MTFR1: variants seen among roughly 807,000 people sequenced by gnomAD.
MTFR1 encodes chondrocyte protein with a poly-proline region.
MTFR1 carries 28 observed loss-of-function variants against 38.8 expected under a neutral mutation model. The ratio of observed to expected loss-of-function variants is 0.72; its 90% CI spans 0.53 to 0.99. MTFR1 has a LOEUF of 0.99. MTFR1 is among the 50% of genes least tolerant of loss of function. The pLI, the probability that MTFR1 is intolerant of heterozygous loss-of-function variation, is 0.00. For synonymous variants in MTFR1, 145 were observed against 137.0 expected, an observed-to-expected ratio of 1.06 and a Z score of -0.41; for missense variants, 358 against 395.5, an observed-to-expected ratio of 0.91 and a Z score of 0.81.
chr8:65,713,680 G>A (rs376104170), downstream of MTFR1, among the ~76,000 whole-genome samples: 70 of 151,974 alleles, frequency 4.6e-4, no homozygotes, highest in African/African-American at 1.6e-3. Context: ...TAACTTTATC[G>A]GTCATAGATG....
chr8:65,663,041 T>G (rs1804238621), intron 1 of MTFR1, among the ~76,000 whole-genome samples: 1 of 151,904 alleles, frequency 6.6e-6, no homozygotes, highest in African/African-American at 2.4e-5. Flanking sequence ...ACTCAACAGC[T>G]CATTGAGAAC....
chr8:65,698,550 TA>T (rs1292290882), intron 4 of MTFR1, among the ~76,000 whole-genome samples: 3 of 151,690 alleles, frequency 2.0e-5, no homozygotes, highest in Non-Finnish European at 2.9e-5. Context: ...AAAATGGAAT[TA>T]AAAAAAAACT....
intron 3 of MTFR1, chr8:65,727,109 A>G: frequency 8.6e-7 from 1 of 1,166,812 alleles, no homozygotes; most frequent in Non-Finnish European, 1.3e-6. Flanking sequence ...CATTTCTTCA[A>G]AATATGAAAG....
At chr8:65,664,008 G>T (rs899289992) in intron 1 of MTFR1, among the ~76,000 whole-genome samples, 2 of 151,770 alleles carry the variant, frequency 1.3e-5, no homozygotes, top group Admixed American at 1.3e-4. Flanking sequence ...TAGAGACGGG[G>T]TTTCGCCATG....
At chr8:65,694,050 GCAC>G in intron 4 of MTFR1, among the ~76,000 whole-genome samples, 1 of 148,060 alleles carries the variant, frequency 6.8e-6, no homozygotes, top group Middle Eastern at 3.5e-3. Context: ...TCACAGGCAT[GCAC>G]CACCAACCCT....
At chr8:65,760,265 A>T (rs540328645) in intron 3 of MTFR1, among the ~76,000 whole-genome samples, 1 of 152,322 alleles carries the variant, frequency 6.6e-6, no homozygotes, top group South Asian at 2.1e-4. Context: ...TGTATCTATT[A>T]TCTTTTCATG....
At chr8:65,766,536 G>C (rs899154951) in intron 3 of MTFR1, among the ~76,000 whole-genome samples, 6 of 152,186 alleles carry the variant, frequency 3.9e-5, no homozygotes, top group African/African-American at 1.4e-4. Flanking sequence ...AGGAGCAAGG[G>C]AGCCTGTTAG....
At chr8:65,644,845 C>A (rs1808905527) in intron 1 of MTFR1, 61 bp downstream of exon 1, 1 of 152,544 alleles carries the variant, frequency 6.6e-6, no homozygotes. Flanking sequence ...CGGCTGCAGG[C>A]CTGACGGCGA....
At chr8:65,663,182 A>T (rs1004868906) in intron 1 of MTFR1, among the ~76,000 whole-genome samples, 1 of 152,188 alleles carries the variant, frequency 6.6e-6, no homozygotes, top group South Asian at 2.1e-4. Flanking sequence ...TTTGTTCTAT[A>T]CTAAGAAAAA....
At chr8:65,658,464 T>C (rs1220034126) in intron 1 of MTFR1, among the ~76,000 whole-genome samples, 2 of 152,228 alleles carry the variant, frequency 1.3e-5, no homozygotes, top group East Asian at 3.8e-4. Context: ...CTATTTCCAA[T>C]ATTTATCTGG....
At position 65,707,168 on chromosome 8, in the gene MTFR1, G is replaced by A; in HGVS notation, c.676G>A (p.Val226Ile). ...EKRANAGKTL[V>I]KNNPKKPEMP... ...AAGAGCCAATGCTGGAAAGACTTTG[G>A]TTAAGAACAATCCAAAGAAACCTGA... The change falls in exon 6 of 8, where the codon GTT (valine) becomes ATT (isoleucine). Residue 226 changes from valine to isoleucine, a missense_variant. Coordinates refer to ENST00000262146, the MANE Select transcript of MTFR1 (RefSeq NM_014637.4). 6.2e-7 allele frequency: 1 copy of A among 1,614,154 alleles called. No homozygotes were observed. The highest frequency in any genetic ancestry group is 8.5e-7 in the Non-Finnish European group (1 of 1,180,000).
chr8:65,713,439 A>C (rs1459354047), downstream of MTFR1, among the ~76,000 whole-genome samples: 1 of 137,472 alleles, frequency 7.3e-6, no homozygotes, highest in Non-Finnish European at 1.5e-5. Flanking sequence ...TCCCATCTCA[A>C]ACACACACAC....
Position 65,658,179 on chromosome 8 carries a change from G to A in MTFR1, c.-80-11694G>A, listed in dbSNP as rs553402344. 5.3e-5 allele frequency among the ~76,000 whole-genome samples: 8 copies of A among 152,154 alleles called. No homozygotes were observed. The South Asian group carries it at 1.7e-3, about 32-fold the overall frequency. ...AGTTAAATGGCCATTTCCTTGAATA[G>A]TTCTCAAAAACCTTCTAAAAATAAG... On this transcript the variant is annotated intron_variant, in intron 1 of 7. Transcript: ENST00000262146.
intron 4 of MTFR1, among the ~76,000 whole-genome samples, chr8:65,703,419 GTTTTTTTTTTTTT>G (rs553260839): frequency 4.6e-3 from 234 of 50,952 alleles, no homozygotes; most frequent in South Asian, 6.1e-3. Flanking sequence ...GATGTCTCTG[GTTTTTTTTTTTTT>G]TTTTTTTTTT....
intron 3 of MTFR1, chr8:65,719,895 GA>G (rs1285456416): frequency 1.8e-5 from 4 of 226,754 alleles, no homozygotes; most frequent in Non-Finnish European, 3.6e-5. Context: ...CTTCAGGACT[GA>G]GGGTGATGTG....
chr8:65,678,031 A>G (rs1389945353), intron 2 of MTFR1, among the ~76,000 whole-genome samples: 1 of 151,626 alleles, frequency 6.6e-6, no homozygotes, highest in Non-Finnish European at 1.5e-5. Flanking sequence ...AAAAAAAAAA[A>G]GAAATTGGAT....
intron 3 of MTFR1, among the ~76,000 whole-genome samples, chr8:65,732,653 AC>A: frequency 6.6e-6 from 1 of 152,260 alleles, no homozygotes; most frequent in Non-Finnish European, 1.5e-5. Flanking sequence ...AGCTGGGACC[AC>A]AGGTACACAC....
chr8:65,673,784 T>A (rs1236604815), intron 2 of MTFR1, among the ~76,000 whole-genome samples: 1 of 151,844 alleles, frequency 6.6e-6, no homozygotes, highest in Admixed American at 6.6e-5. Flanking sequence ...TGCCTGCCTG[T>A]AGTCCCAGCT....
intron 1 of MTFR1, among the ~76,000 whole-genome samples, chr8:65,665,760 A>T (rs1307374403): frequency 6.6e-6 from 1 of 152,184 alleles, no homozygotes; most frequent in Non-Finnish European, 1.5e-5. Context: ...AGTAACTGGG[A>T]CTTCAGGCAT....
Sources: gnomAD v4.1 joint callset for allele counts (sites outside exome capture counted in the v4.1 genomes callset) on GRCh38, gnomAD v4.1.1 for gene constraint, MANE v1.5 for transcripts, NCBI Gene and HGNC (gene_info 2026-07-23, HGNC 2026-07-21) for gene names.